The following RBM47 variants were observed in gnomAD, a reference collection of about 807,000 sequenced individuals.
RBM47 encodes RNA-binding protein 47.
In RBM47, 21 loss-of-function variants were observed where a neutral mutation model predicts 47.1. The ratio of observed to expected loss-of-function variants is 0.45; its 90% CI spans 0.32 to 0.64. The LOEUF is 0.64. RBM47 is among the 30% of genes least tolerant of loss of function. The pLI is 0.05. For synonymous variants in RBM47, 375 were observed against 361.7 expected (o/e 1.04, Z -0.42); for missense variants, 708 against 870.9 (o/e 0.81, Z 2.35).
intron 6 of RBM47, among the ~76,000 whole-genome samples, chr4:40,429,571 C>G (rs55916824): frequency 6.6e-6 from 1 of 151,336 alleles, no homozygotes; most frequent in African/African-American, 2.4e-5. Context: ...AAACATTTAC[C>G]CATCCCTAAA....
At chr4:40,597,965 T>C (rs972361984) in intron 1 of RBM47, among the ~76,000 whole-genome samples, 11 of 152,248 alleles carry the variant, frequency 7.2e-5, no homozygotes, top group Admixed American at 3.9e-4. Context: ...CAAGATCTTT[T>C]GGTCAATTTA....
At chr4:40,513,523 C>T (rs1192600035) in intron 2 of RBM47, among the ~76,000 whole-genome samples, 4 of 152,080 alleles carry the variant, frequency 2.6e-5, no homozygotes, top group Admixed American at 6.6e-5. Flanking sequence ...CATACATAAA[C>T]ATTTGATTAA....
At chr4:40,427,913 G>A (rs999952369) in intron 6 of RBM47, among the ~76,000 whole-genome samples, 3 of 152,162 alleles carry the variant, frequency 2.0e-5, no homozygotes, top group Non-Finnish European at 4.4e-5. Flanking sequence ...CTCAGAGGCT[G>A]GGTGAGGTGG....
intron 1 of RBM47, among the ~76,000 whole-genome samples, chr4:40,576,246 T>G (rs1244290893): frequency 1.4e-5 from 1 of 70,878 alleles, no homozygotes; most frequent in African/African-American, 5.8e-5. Flanking sequence ...TTCTGTTTTT[T>G]TTTTTTTTTT....
In RBM47 at chr4:40,514,968, G is replaced by A. The variant is rs375325821; in HGVS notation, c.-155+29454C>T. Among the ~76,000 whole-genome samples, 11 of 152,344 alleles carry A rather than the reference G, an allele frequency of 7.2e-5. 1 individual carries two copies. The highest frequency in any genetic ancestry group is 2.6e-4 in the African/African-American group (11 of 41,578). The stretch of plus-strand genomic sequence containing the variant: ...AGTTAATAAAGGGTGGAGTTCACCG[G>A]CGAATATGTAGACGCAGTAGCATCT... On this transcript the variant is annotated intron_variant, in intron 2 of 6. Coordinates refer to ENST00000295971, the MANE Select transcript of RBM47 (RefSeq NM_001098634.2).
rs1305779300 is a variant in RBM47 at position 40,629,409 on chromosome 4, G to A, written c.-253C>T. The A allele has an allele frequency of 1.3e-5, 2 of 152,182 alleles. No homozygotes were observed. The highest frequency in any genetic ancestry group is 3.8e-4 in the East Asian group (2 of 5,198). 9.4% of individuals were successfully genotyped at this position (152,182 alleles called of 1,614,324 possible). A position where few individuals can be genotyped will look rare whatever the true frequency, so the allele number is the denominator to read the frequency against. On this transcript the variant is annotated 5_prime_UTR_variant, in exon 1 of 7. Coordinates refer to ENST00000295971, the MANE Select transcript of RBM47 (RefSeq NM_001098634.2). ...AAACCACCTTACCTTTCCTTGTTAA[G>A]TTTTTGGAGCCGCCCACTTCAGAAA...
At chr4:40,553,494 C>T (rs1174657548) in intron 1 of RBM47, among the ~76,000 whole-genome samples, 2 of 152,116 alleles carry the variant, frequency 1.3e-5, no homozygotes, top group African/African-American at 4.8e-5. Flanking sequence ...GATGGCATTT[C>T]ACCATGTTGC....
At chr4:40,447,407 C>A (rs1259517350) in intron 3 of RBM47, among the ~76,000 whole-genome samples, 1 of 152,158 alleles carries the variant, frequency 6.6e-6, no homozygotes, top group Non-Finnish European at 1.5e-5. Context: ...CAGACATCAT[C>A]AAGGATTTGA....
intron 1 of RBM47, among the ~76,000 whole-genome samples, chr4:40,548,742 C>T (rs1319640278): frequency 6.6e-6 from 1 of 152,188 alleles, no homozygotes; most frequent in Non-Finnish European, 1.5e-5. Context: ...TCTCGGCTCA[C>T]TGCAACCTCT....
At chr4:40,584,385 C>T (rs1578013289) in intron 1 of RBM47, among the ~76,000 whole-genome samples, 1 of 152,132 alleles carries the variant, frequency 6.6e-6, no homozygotes, top group Admixed American at 6.6e-5. Flanking sequence ...CCAGTGTTGT[C>T]CATTATAAAT....
At chr4:40,486,154 A>T (rs2154243961) in intron 2 of RBM47, among the ~76,000 whole-genome samples, 1 of 150,170 alleles carries the variant, frequency 6.7e-6, no homozygotes, top group South Asian at 2.1e-4. Context: ...GAAACTGATT[A>T]TTTATCTGAA....
intron 1 of RBM47, among the ~76,000 whole-genome samples, chr4:40,617,164 C>T (rs536262659): frequency 6.5e-4 from 99 of 152,186 alleles, no homozygotes; most frequent in East Asian, 3.9e-4. Flanking sequence ...GCGTGAGACA[C>T]TGCGCCTGGC....
At chr4:40,482,354 A>C (rs1720548846) in intron 2 of RBM47, among the ~76,000 whole-genome samples, 1 of 152,066 alleles carries the variant, frequency 6.6e-6, no homozygotes, top group Admixed American at 6.6e-5. Flanking sequence ...CCCCGGTTCA[A>C]GCCATTTTCC....
intron 3 of RBM47, among the ~76,000 whole-genome samples, chr4:40,461,761 C>A (rs894450850): frequency 2.0e-5 from 3 of 152,078 alleles, no homozygotes; most frequent in Non-Finnish European, 4.4e-5. Flanking sequence ...GAAACCCTGT[C>A]TGTACTAAAA....
intron 2 of RBM47, among the ~76,000 whole-genome samples, chr4:40,525,571 G>A (rs1275709240): frequency 6.6e-6 from 1 of 152,152 alleles, no homozygotes; most frequent in Non-Finnish European, 1.5e-5. Flanking sequence ...AAAGGCAGTT[G>A]TGTATACAGA....
At chr4:40,516,291 C>T (rs1465581508) in intron 2 of RBM47, among the ~76,000 whole-genome samples, 1 of 131,900 alleles carries the variant, frequency 7.6e-6, no homozygotes, top group Middle Eastern at 4.4e-3. Context: ...GACGGATTCT[C>T]GCTCTGTCAC....
intron 2 of RBM47, among the ~76,000 whole-genome samples, chr4:40,487,138 A>T (rs1721198863): frequency 6.6e-6 from 1 of 152,166 alleles, no homozygotes; most frequent in African/African-American, 2.4e-5. Flanking sequence ...GTCATCTGTT[A>T]GCTCTTTTAG....
chr4:40,530,837 C>T (rs1727319904), intron 2 of RBM47, among the ~76,000 whole-genome samples: 1 of 152,200 alleles, frequency 6.6e-6, no homozygotes, highest in Non-Finnish European at 1.5e-5. Flanking sequence ...CGGTGGCTCA[C>T]ACCTGCCACC....
intron 6 of RBM47, chr4:40,427,585 T>C (rs1715240827): frequency 6.6e-6 from 1 of 152,208 alleles, no homozygotes; most frequent in Non-Finnish European, 1.5e-5. Context: ...TAACAAAATA[T>C]TTGGTGCACC....
Sources: allele counts gnomAD v4.1 joint callset (sites outside exome capture counted in the v4.1 genomes callset), GRCh38; gene constraint gnomAD v4.1.1; transcripts MANE v1.5; gene names NCBI Gene and HGNC (gene_info 2026-07-23, HGNC 2026-07-21).